The following ATP2B2 variants were observed in gnomAD, a reference collection of about 807,000 sequenced individuals.
ATP2B2 encodes the protein ATPase plasma membrane Ca2+ transporting 2.
A neutral mutation model predicts 120.0 loss-of-function variants in ATP2B2; 15 were observed. That is an observed-to-expected ratio of 0.12 (90% CI 0.08 to 0.19). The LOEUF is 0.19. ATP2B2 is among the 10% of genes least tolerant of loss of function. The pLI is 1.00. For missense variants in ATP2B2, 1,045 were observed against 1,719.8 expected, an observed-to-expected ratio of 0.61 and a Z score of 6.94; for synonymous variants, 694 against 700.3, an observed-to-expected ratio of 0.99 and a Z score of 0.14.
intron 2 of ATP2B2, among the ~76,000 whole-genome samples, chr3:10,550,826 G>A (rs1164299557): frequency 6.6e-6 from 1 of 152,184 alleles, no homozygotes; most frequent in African/African-American, 2.4e-5. Context: ...AAGGCGAAGG[G>A]GAAACATTCA....
intron 1 of ATP2B2, among the ~76,000 whole-genome samples, chr3:10,673,447 GAA>G (rs2071163838): frequency 6.6e-6 from 1 of 151,210 alleles, no homozygotes; most frequent in African/African-American, 2.4e-5. Flanking sequence ...AAGAAACAAA[GAA>G]AGAGAGAGAG....
intron 22 of ATP2B2, among the ~76,000 whole-genome samples, chr3:10,336,803 T>A (rs2060129073): frequency 6.6e-6 from 1 of 152,214 alleles, no homozygotes; most frequent in African/African-American, 2.4e-5. Flanking sequence ...GGGTTATCTG[T>A]AAGTGGCAAA....
At chr3:10,687,987 C>T (rs779647436) in intron 1 of ATP2B2, among the ~76,000 whole-genome samples, 4 of 152,128 alleles carry the variant, frequency 2.6e-5, no homozygotes, top group Non-Finnish European at 5.9e-5. Flanking sequence ...ATGGGACAAG[C>T]ACTGGTTTTG....
chr3:10,388,253 G>T (rs1371224879), intron 6 of ATP2B2, 24 bp downstream of exon 6: 3 of 1,613,896 alleles, frequency 1.9e-6, no homozygotes, highest in African/African-American at 1.3e-5. Context: ...CTCCTCTCCT[G>T]GTCTGCAAGG....
intron 1 of ATP2B2, among the ~76,000 whole-genome samples, chr3:10,481,603 G>C (rs1395053386): frequency 6.6e-6 from 1 of 152,096 alleles, no homozygotes; most frequent in African/African-American, 2.4e-5. Flanking sequence ...ACCTAGGCTA[G>C]AGTGCAATGG....
intron 2 of ATP2B2, among the ~76,000 whole-genome samples, chr3:10,565,338 G>A (rs1034513892): frequency 5.9e-5 from 9 of 152,152 alleles, no homozygotes; most frequent in African/African-American, 2.2e-4. Flanking sequence ...GTAAATGACT[G>A]TGTCCGGGTT....
rs566737343 is a variant in ATP2B2, at chr3:10,631,735, G to A, written c.-459-11774C>T. ...TCCTCCTCCCTTAGAAAGGAGGCCA[G>A]CGTCCCCTACATGCTAAGAAAGAAA... On this transcript the variant is annotated intron_variant, in intron 1 of 21. Coordinates refer to the ATP2B2 transcript ENST00000646379. Among the ~76,000 whole-genome samples the A allele has an allele frequency of 1.3e-3, 192 of 152,332 alleles. 1 individual carries two copies. Among genetic ancestry groups the A allele is most frequent in the African/African-American group, 4.5e-3 (186 of 41,574 alleles).
chr3:10,702,594 G>A (rs1420186565), intron 1 of ATP2B2, among the ~76,000 whole-genome samples: 1 of 152,288 alleles, frequency 6.6e-6, no homozygotes, highest in East Asian at 1.9e-4. Flanking sequence ...CTTTGCACAC[G>A]GACACACTAA....
At position 10,550,478 on chromosome 3, in the gene ATP2B2, TA is replaced by T. The variant is rs765169201; in HGVS notation, c.-414-16346del. On this transcript the variant is annotated intron_variant, in intron 2 of 21. Coordinates refer to the ATP2B2 transcript ENST00000646379. The stretch of plus-strand genomic sequence containing the variant: ...CCTAATATTATAGACCAGTTTTTTT[TA>T]CACCCCAGAAAGCACATTTTTTGTC... 2.7e-3 allele frequency among the ~76,000 whole-genome samples: 416 copies of T among 152,288 alleles called. 3 individuals carry two copies. The highest frequency in any genetic ancestry group is 0.019 in the East Asian group (99 of 5,186).
intron 1 of ATP2B2, among the ~76,000 whole-genome samples, chr3:10,698,359 G>A (rs2071770345): frequency 6.6e-6 from 1 of 152,216 alleles, no homozygotes; most frequent in Non-Finnish European, 1.5e-5. Flanking sequence ...AAGGACCATG[G>A]GTTTTGATGG....
intron 12 of ATP2B2, among the ~76,000 whole-genome samples, chr3:10,369,331 G>A (rs1246430913): frequency 6.6e-6 from 1 of 152,170 alleles, no homozygotes; most frequent in East Asian, 1.9e-4. Context: ...GCCCCACATG[G>A]CTGGCAGGCC....
intron 1 of ATP2B2, among the ~76,000 whole-genome samples, chr3:10,469,762 T>C (rs2064903963): frequency 6.6e-6 from 1 of 152,164 alleles, no homozygotes; most frequent in South Asian, 2.1e-4. Context: ...AGGGTGGACT[T>C]GAGCAGGTAT....
At chr3:10,390,510 G>A (rs957150552) in intron 5 of ATP2B2, among the ~76,000 whole-genome samples, 2 of 151,648 alleles carry the variant, frequency 1.3e-5, no homozygotes, top group African/African-American at 4.9e-5. Flanking sequence ...GTGTGTGTGT[G>A]TGTGTGTGTG....
In ATP2B2 at chr3:10,326,332, CA is replaced by C; in HGVS notation, c.*2481del. 1.2e-5 allele frequency: 2 copies of C among 170,946 alleles called. No individual in the cohort carries two copies. Among genetic ancestry groups the C allele is most frequent in the East Asian group, 3.1e-4 (2 of 6,510 alleles). The allele number at this position is 170,946 out of a possible 1,614,324, so 10.6% of individuals were successfully genotyped here. A position where few individuals can be genotyped will look rare whatever the true frequency, so the allele number is the denominator to read the frequency against. ...GTGTGCAAGCATCCTTCATTCCTGA[CA>C]AGAGAAGACCAACGCTAATGTTGGC... On this transcript the variant is annotated 3_prime_UTR_variant, in exon 23 of 23. Coordinates refer to ENST00000360273, the MANE Select transcript of ATP2B2 (RefSeq NM_001001331.4).
intron 2 of ATP2B2, among the ~76,000 whole-genome samples, chr3:10,592,943 G>A (rs548968263): frequency 2.0e-5 from 3 of 152,086 alleles, no homozygotes; most frequent in African/African-American, 4.8e-5. Context: ...CCACCACCAC[G>A]CCTGGCTAAT....
In ATP2B2 at chr3:10,391,568, C is replaced by T. The variant is rs143076090; in HGVS notation, c.782-3166G>A. Among the ~76,000 whole-genome samples, 211 of 152,286 alleles carry T rather than the reference C, an allele frequency of 1.4e-3. 6 individuals are homozygous for T. In the South Asian group the frequency reaches 0.028, roughly 20 times the overall value. On this transcript the variant is annotated intron_variant, in intron 5 of 22. Coordinates refer to ENST00000360273, the MANE Select transcript of ATP2B2 (RefSeq NM_001001331.4). ...GAGCTGGCAGCTCTACACCCACATC[C>T]GGAGGCAGGGAGGTGGCAGGAGGAC...
rs916107024 is a variant in ATP2B2, at chr3:10,611,066, G to A, written c.-415+8851C>T. ...CCAGAACCTGAGGGCTCGCAGGGGT[G>A]TCTCCATAGATCAGAGACATTTCCA... On this transcript the variant is annotated intron_variant, in intron 2 of 21. Coordinates refer to the ATP2B2 transcript ENST00000646379. 3.9e-5 allele frequency among the ~76,000 whole-genome samples: 6 copies of A among 152,340 alleles called. No individual in the cohort carries two copies. In the East Asian group the frequency reaches 5.8e-4, roughly 15 times the overall value.
At chr3:10,430,457 G>A (rs2063280986) in intron 2 of ATP2B2, among the ~76,000 whole-genome samples, 1 of 152,146 alleles carries the variant, frequency 6.6e-6, no homozygotes, top group African/African-American at 2.4e-5. Context: ...ACTTTGAGGG[G>A]TTCAAGACTT....
At chr3:10,700,174 T>C (rs935502242) in intron 1 of ATP2B2, among the ~76,000 whole-genome samples, 1 of 152,078 alleles carries the variant, frequency 6.6e-6, no homozygotes, top group African/African-American at 2.4e-5. Context: ...CCACCTCTGC[T>C]TGGAAACTTT....
Sources: gnomAD v4.1 joint callset for allele counts (sites outside exome capture counted in the v4.1 genomes callset) on GRCh38, gnomAD v4.1.1 for gene constraint, MANE v1.5 for transcripts, NCBI Gene and HGNC (gene_info 2026-07-23, HGNC 2026-07-21) for gene names.